The following PBX3 variants were observed in gnomAD, a reference collection of about 807,000 sequenced individuals.
The protein encoded by PBX3 is pre-B-cell leukemia transcription factor 3.
In PBX3, 14 loss-of-function variants were observed where a neutral mutation model predicts 48.5. The observed-to-expected ratio is 0.29, with a 90% CI of 0.19 to 0.45. The LOEUF is 0.45. Among genes scored for constraint, PBX3 ranks in the 20% least tolerant of loss-of-function variants. PBX3 has a pLI of 1.00. For missense variants in PBX3, 386 were observed against 546.7 expected, an observed-to-expected ratio of 0.71 and a Z score of 2.93; for synonymous variants, 210 against 200.3, an observed-to-expected ratio of 1.05 and a Z score of -0.41.
chr9:125,836,174 G>A (rs1386283312), intron 2 of PBX3, among the ~76,000 whole-genome samples: 3 of 152,146 alleles, frequency 2.0e-5, no homozygotes, highest in African/African-American at 4.8e-5. Flanking sequence ...GGCTGGGCGC[G>A]GTGGCTCACG....
chr9:125,778,254 G>T (rs1416580682), intron 2 of PBX3, among the ~76,000 whole-genome samples: 1 of 149,950 alleles, frequency 6.7e-6, no homozygotes, highest in East Asian at 1.9e-4. Context: ...GAGCCACCGT[G>T]CCTGGCCCTC....
chr9:125,769,102 G>A (rs570440585), intron 2 of PBX3, among the ~76,000 whole-genome samples: 7 of 152,180 alleles, frequency 4.6e-5, no homozygotes, highest in African/African-American at 1.7e-4. Context: ...ACACAGTGAA[G>A]GTGTGATTGA....
intron 5 of PBX3, among the ~76,000 whole-genome samples, chr9:125,939,757 T>C (rs1841918542): frequency 6.6e-6 from 1 of 152,178 alleles, no homozygotes. Context: ...AAAAGAATGA[T>C]CTACAAGTAT....
intron 2 of PBX3, among the ~76,000 whole-genome samples, chr9:125,852,134 C>T (rs1789332066): frequency 6.6e-6 from 1 of 152,088 alleles, no homozygotes; most frequent in Non-Finnish European, 1.5e-5. Flanking sequence ...CCTACTTTGT[C>T]AGGATGGTAT....
At chr9:125,819,892 C>A (rs1838597590) in intron 2 of PBX3, among the ~76,000 whole-genome samples, 2 of 151,972 alleles carry the variant, frequency 1.3e-5, no homozygotes, top group Non-Finnish European at 2.9e-5. Flanking sequence ...TTTTTTCTGC[C>A]ACATTTAATT....
intron 2 of PBX3, among the ~76,000 whole-genome samples, chr9:125,825,180 A>T (rs1838772357): frequency 6.6e-6 from 1 of 152,056 alleles, no homozygotes; most frequent in Admixed American, 6.6e-5. Context: ...GCTATTCAGG[A>T]GGCTGAGGTG....
intron 2 of PBX3, among the ~76,000 whole-genome samples, chr9:125,908,891 T>G (rs970948085): frequency 6.6e-6 from 1 of 152,106 alleles, no homozygotes; most frequent in Non-Finnish European, 1.5e-5. Flanking sequence ...TGTAATAATT[T>G]CCTTTAGGAG....
At chr9:125,955,977 C>CG (rs1230567085) in intron 5 of PBX3, among the ~76,000 whole-genome samples, 1 of 152,152 alleles carries the variant, frequency 6.6e-6, no homozygotes, top group African/African-American at 2.4e-5. Context: ...GAAAAGCTGA[C>CG]GGGGCGTCCT....
chr9:125,865,607 A>T (rs985366158), intron 2 of PBX3, among the ~76,000 whole-genome samples: 1 of 152,138 alleles, frequency 6.6e-6, no homozygotes, highest in Non-Finnish European at 1.5e-5. Flanking sequence ...TATAGCCCCA[A>T]TGGGAATTTC....
chr9:125,777,989 G>A (rs12237494), intron 2 of PBX3, among the ~76,000 whole-genome samples: 2,916 of 142,460 alleles, frequency 0.02, 161 homozygotes, highest in East Asian at 0.17. Flanking sequence ...GAGATGGAGT[G>A]TCACTTCGTT....
At chr9:125,862,349 A>G (rs577162060) in intron 2 of PBX3, among the ~76,000 whole-genome samples, 8 of 152,290 alleles carry the variant, frequency 5.3e-5, no homozygotes, top group Non-Finnish European at 1.0e-4. Context: ...AATTTATGGA[A>G]TGAGTATCAG....
At chr9:125,757,948 GA>G (rs1473142455) in intron 2 of PBX3, among the ~76,000 whole-genome samples, 1 of 152,116 alleles carries the variant, frequency 6.6e-6, no homozygotes, top group Admixed American at 6.5e-5. Flanking sequence ...AATCAGTAGA[GA>G]AAAAAATGAA....
chr9:125,898,337 C>T (rs1289842344), intron 2 of PBX3, among the ~76,000 whole-genome samples: 7 of 151,580 alleles, frequency 4.6e-5, no homozygotes, highest in African/African-American at 1.7e-4. Flanking sequence ...GATTGTGATG[C>T]ACCCTATGTT....
chr9:125,872,976 G>T (rs1237238494), intron 2 of PBX3, among the ~76,000 whole-genome samples: 1 of 151,584 alleles, frequency 6.6e-6, no homozygotes, highest in Non-Finnish European at 1.5e-5. Context: ...GAGGCGGGTG[G>T]ATCATGAGGT....
At chr9:125,890,567 C>G (rs1045823720) in intron 2 of PBX3, among the ~76,000 whole-genome samples, 1 of 152,242 alleles carries the variant, frequency 6.6e-6, no homozygotes, top group African/African-American at 2.4e-5. Flanking sequence ...GTTGTCACCA[C>G]TGCCTTCCCC....
intron 2 of PBX3, among the ~76,000 whole-genome samples, chr9:125,862,720 C>T (rs1427280731): frequency 6.6e-6 from 1 of 152,014 alleles, no homozygotes; most frequent in South Asian, 2.1e-4. Flanking sequence ...GCTGTATCAC[C>T]AACATTCTTG....
rs568799370 is a variant in PBX3, at chr9:125,870,043, T to C, written c.275-45643T>C. Among the ~76,000 whole-genome samples the C allele has an allele frequency of 1.1e-4, 17 of 150,858 alleles. No individual in the cohort carries two copies. The South Asian group carries it at 3.0e-3, about 26-fold the overall frequency. On this transcript the variant is annotated intron_variant, in intron 2 of 8. Coordinates refer to ENST00000373489, the MANE Select transcript of PBX3 (RefSeq NM_006195.6). ...AGGCACATCTTTTTTTTTTTTTTTT[T>C]CTGAGACGGTCTCAGTCTGTTGCCC... is the stretch of plus-strand genomic sequence containing the variant.
intron 2 of PBX3, among the ~76,000 whole-genome samples, chr9:125,850,332 T>C (rs921845016): frequency 6.6e-6 from 1 of 152,072 alleles, no homozygotes; most frequent in African/African-American, 2.4e-5. Context: ...TTCTAACTGA[T>C]GTCAAAAGGA....
At chr9:125,866,699 CCTT>C (rs1181554218) in intron 2 of PBX3, among the ~76,000 whole-genome samples, 1 of 152,082 alleles carries the variant, frequency 6.6e-6, no homozygotes, top group African/African-American at 2.4e-5. Flanking sequence ...ACAGGGCTAT[CCTT>C]TGTTCTAAAA....
Sources: allele counts gnomAD v4.1 joint callset (sites outside exome capture counted in the v4.1 genomes callset), GRCh38; gene constraint gnomAD v4.1.1; transcripts MANE v1.5; gene names NCBI Gene and HGNC (gene_info 2026-07-23, HGNC 2026-07-21).